Variants in RHBDD1 observed in about 807,000 individuals in gnomAD.
RHBDD1 encodes the protein rhomboid-related protein 4.
A neutral mutation model predicts 36.3 loss-of-function variants in RHBDD1; 38 were observed. The observed-to-expected ratio is 1.05, with a 90% confidence interval of 0.81 to 1.37. The LOEUF (loss-of-function observed/expected upper bound fraction) is 1.37, where lower values mean the gene tolerates loss of function less well. RHBDD1 is among the 40% of genes most tolerant of loss of function. The pLI is 0.00. For synonymous variants in RHBDD1, 151 were observed against 136.5 expected, an observed-to-expected ratio of 1.11 and a Z score of -0.74; for missense variants, 393 against 377.6, an observed-to-expected ratio of 1.04 and a Z score of -0.34.
intron 3 of RHBDD1, among the ~76,000 whole-genome samples, chr2:226,852,843 C>T (rs921629008): frequency 1.3e-5 from 2 of 150,820 alleles, no homozygotes; most frequent in African/African-American, 4.9e-5. Context: ...AAGTGATCCT[C>T]CTGCCTCAGC....
intron 8 of RHBDD1, among the ~76,000 whole-genome samples, chr2:226,979,427 G>A (rs944688876): frequency 6.6e-6 from 1 of 152,130 alleles, no homozygotes; most frequent in Non-Finnish European, 1.5e-5. Flanking sequence ...TCACCACCCA[G>A]GAACAGGAGG....
chr2:226,893,497 C>A (rs544128800), intron 5 of RHBDD1, among the ~76,000 whole-genome samples: 2 of 152,236 alleles, frequency 1.3e-5, no homozygotes, highest in South Asian at 4.1e-4. Context: ...GTGGTGGGAA[C>A]TTTTATTGCG....
At chr2:226,933,636 G>A (rs1190408381) in intron 8 of RHBDD1, among the ~76,000 whole-genome samples, 3 of 151,956 alleles carry the variant, frequency 2.0e-5, no homozygotes, top group African/African-American at 4.8e-5. Context: ...GCTACCTCAG[G>A]TCTTTGATGG....
chr2:226,853,520 G>A (rs528769097), intron 3 of RHBDD1, among the ~76,000 whole-genome samples: 2 of 152,234 alleles, frequency 1.3e-5, no homozygotes, highest in African/African-American at 4.8e-5. Flanking sequence ...AGGGCTTCAC[G>A]GCGGAACAGC....
chr2:226,875,379 C>T (rs1945146424), intron 5 of RHBDD1, among the ~76,000 whole-genome samples: 1 of 152,162 alleles, frequency 6.6e-6, no homozygotes, highest in Admixed American at 6.5e-5. Context: ...AGGTAGTAAT[C>T]TTGAACAATT....
chr2:226,886,100 G>A (rs976135093), intron 5 of RHBDD1, among the ~76,000 whole-genome samples: 9 of 152,152 alleles, frequency 5.9e-5, no homozygotes, highest in East Asian at 1.9e-4. Context: ...AACTGAAACC[G>A]TGGAAAGTGA....
the RHBDD1 span, among the ~76,000 whole-genome samples, chr2:226,818,199 G>A: frequency 1.6e-3 from 196 of 122,794 alleles, 2 homozygotes; most frequent in Middle Eastern, 0.038. Flanking sequence ...TCACTCTGTC[G>A]CCCAGGCTGG....
At chr2:226,857,231 A>G (rs1010427524) in intron 3 of RHBDD1, among the ~76,000 whole-genome samples, 1 of 152,196 alleles carries the variant, frequency 6.6e-6, no homozygotes, top group African/African-American at 2.4e-5. Context: ...GAGGAATGAA[A>G]ATCAGTATTA....
upstream of RHBDD1, among the ~76,000 whole-genome samples, chr2:226,834,208 G>C (rs1364046795): frequency 6.6e-6 from 1 of 152,208 alleles, no homozygotes; most frequent in Non-Finnish European, 1.5e-5. Context: ...GAGAGTGATG[G>C]AGAATAGAAG....
chr2:226,821,591 C>T, the RHBDD1 span, among the ~76,000 whole-genome samples: 1 of 151,772 alleles, frequency 6.6e-6, no homozygotes. Context: ...CTCTTATAGA[C>T]ATCATAACAC....
Position 226,913,195 on chromosome 2 carries a change from T to TA in RHBDD1, c.713-1012dup, listed in dbSNP as rs1199475043. ...TTATTAAAGCTCCAACTCAGGCCTG[T>TA]ACTGCTGTACTCTGTGGGATAATAT... On this transcript the variant is annotated intron_variant, in intron 7 of 8. Transcript: ENST00000392062. Among the ~76,000 whole-genome samples, 4 of 152,244 alleles carry TA rather than the reference T, an allele frequency of 2.6e-5. No homozygotes were observed. The East Asian group carries it at 7.7e-4, about 29-fold the overall frequency.
the RHBDD1 span, among the ~76,000 whole-genome samples, chr2:226,806,333 G>T: frequency 6.6e-6 from 1 of 151,386 alleles, no homozygotes; most frequent in Non-Finnish European, 1.5e-5. Flanking sequence ...AAAGCTTCCT[G>T]TGTCCCACCT....
At chr2:226,950,235 TC>T (rs1951329347) in intron 8 of RHBDD1, among the ~76,000 whole-genome samples, 1 of 152,224 alleles carries the variant, frequency 6.6e-6, no homozygotes, top group Non-Finnish European at 1.5e-5. Context: ...CCTTCTGCTC[TC>T]TGCTTCTGTG....
intron 5 of RHBDD1, among the ~76,000 whole-genome samples, chr2:226,877,223 T>A (rs1428172252): frequency 6.6e-6 from 1 of 152,232 alleles, no homozygotes; most frequent in Non-Finnish European, 1.5e-5. Flanking sequence ...TTGATCTGTC[T>A]TGAAGTTTGA....
intron 7 of RHBDD1, among the ~76,000 whole-genome samples, chr2:226,909,095 C>A (rs970478640): frequency 2.0e-5 from 3 of 151,972 alleles, no homozygotes; most frequent in Admixed American, 6.6e-5. Context: ...GGAGGTAACT[C>A]AGGCATGAAA....
intron 3 of RHBDD1, among the ~76,000 whole-genome samples, chr2:226,859,299 CTT>C (rs990790990): frequency 2.0e-5 from 3 of 151,982 alleles, no homozygotes; most frequent in Admixed American, 6.6e-5. Flanking sequence ...CATGTACAGA[CTT>C]TTTTTTCTTG....
intron 8 of RHBDD1, among the ~76,000 whole-genome samples, chr2:226,948,162 C>G (rs1189109835): frequency 6.8e-6 from 1 of 148,028 alleles, no homozygotes; most frequent in Non-Finnish European, 1.5e-5. Context: ...GACTTGGAAC[C>G]AGCGCAAATG....
At chr2:226,862,324 C>A (rs950399942) in intron 3 of RHBDD1, among the ~76,000 whole-genome samples, 1 of 149,860 alleles carries the variant, frequency 6.7e-6, no homozygotes, top group Non-Finnish European at 1.5e-5. Flanking sequence ...TGCCCCAGGT[C>A]ACAGAGCTAG....
At chr2:226,817,998 A>G in the RHBDD1 span, among the ~76,000 whole-genome samples, 4 of 152,132 alleles carry the variant, frequency 2.6e-5, no homozygotes, top group South Asian at 8.3e-4. Context: ...AGGTTATACA[A>G]AGGCTAGTTT....
Sources: allele counts gnomAD v4.1 joint callset (sites outside exome capture counted in the v4.1 genomes callset), GRCh38; gene constraint gnomAD v4.1.1; transcripts MANE v1.5; gene names NCBI Gene and HGNC (gene_info 2026-07-23, HGNC 2026-07-21).